Variants in DLG2 observed in about 807,000 individuals in gnomAD.
The protein encoded by DLG2 is discs large MAGUK scaffold protein 2.
Under a neutral mutation model 132.5 loss-of-function variants are expected in DLG2, and 45 were observed. That is an observed-to-expected ratio of 0.34 (90% CI 0.27 to 0.44). The LOEUF is 0.44. DLG2 is among the 20% of genes least tolerant of loss of function. The pLI is 1.00. For missense variants in DLG2, 1,045 were observed against 1,196.9 expected (o/e 0.87, Z 1.87); for synonymous variants, 424 against 419.6 (o/e 1.01, Z -0.13).
chr11:83,708,083 C>T (rs1482920087), intron 18 of DLG2, among the ~76,000 whole-genome samples: 1 of 152,130 alleles, frequency 6.6e-6, no homozygotes, highest in African/African-American at 2.4e-5. Context: ...TACGTAAAAG[C>T]TCTTATCATT....
At chr11:85,338,244 A>G (rs2082259214) in intron 3 of DLG2, among the ~76,000 whole-genome samples, 1 of 152,210 alleles carries the variant, frequency 6.6e-6, no homozygotes, top group South Asian at 2.1e-4. Flanking sequence ...TAAGACAATA[A>G]ATAGTAGCAA....
chr11:84,858,550 T>A (rs893167155), intron 6 of DLG2, among the ~76,000 whole-genome samples: 1 of 152,130 alleles, frequency 6.6e-6, no homozygotes, highest in African/African-American at 2.4e-5. Context: ...TCTCATATCT[T>A]ATTTCTACTT....
At chr11:84,500,822 C>T (rs1233938743) in intron 7 of DLG2, among the ~76,000 whole-genome samples, 2 of 152,188 alleles carry the variant, frequency 1.3e-5, no homozygotes, top group Non-Finnish European at 2.9e-5. Flanking sequence ...GATCATGTCT[C>T]ATGCTAACCA....
chr11:85,414,147 T>A (rs528361459), intron 3 of DLG2, among the ~76,000 whole-genome samples: 13 of 152,168 alleles, frequency 8.5e-5, no homozygotes, highest in South Asian at 6.2e-4. Context: ...AATATTTCAC[T>A]TTTCTTCCAG....
intron 18 of DLG2, among the ~76,000 whole-genome samples, chr11:83,741,712 A>T (rs2092527006): frequency 4.6e-5 from 7 of 152,118 alleles, no homozygotes; most frequent in Admixed American, 4.6e-4. Flanking sequence ...TCAATATTAT[A>T]AAAATGGCCA....
intron 18 of DLG2, among the ~76,000 whole-genome samples, chr11:83,689,893 CATAA>C (rs2080541609): frequency 7.0e-6 from 1 of 143,380 alleles, no homozygotes; most frequent in Non-Finnish European, 1.5e-5. Context: ...TTGATATTTA[CATAA>C]ATATATTTAT....
At chr11:84,908,915 A>G (rs947206647) in intron 6 of DLG2, among the ~76,000 whole-genome samples, 2 of 151,800 alleles carry the variant, frequency 1.3e-5, no homozygotes, top group South Asian at 4.2e-4. Context: ...ACAGCTGAAG[A>G]AACAAAGGCT....
intron 6 of DLG2, among the ~76,000 whole-genome samples, chr11:84,823,758 G>A (rs555279947): frequency 2.4e-4 from 36 of 151,490 alleles, no homozygotes; most frequent in Admixed American, 2.4e-3. Context: ...TGTTTGTTTC[G>A]TTCACTGCTT....
chr11:85,553,037 C>T (rs1438388212), intron 3 of DLG2, among the ~76,000 whole-genome samples: 1 of 151,516 alleles, frequency 6.6e-6, no homozygotes, highest in African/African-American at 2.4e-5. Flanking sequence ...ACATTGAATG[C>T]AACAGAAAAA....
intron 7 of DLG2, among the ~76,000 whole-genome samples, chr11:84,302,669 A>AT (rs1257786777): frequency 6.6e-6 from 1 of 152,178 alleles, no homozygotes; most frequent in Non-Finnish European, 1.5e-5. Context: ...AATTCATACT[A>AT]TTTTTTACCA....
At chr11:84,986,489 C>A (rs537315275) in intron 6 of DLG2, among the ~76,000 whole-genome samples, 1 of 152,188 alleles carries the variant, frequency 6.6e-6, no homozygotes, top group South Asian at 2.1e-4. Context: ...GACTACAGAC[C>A]AATATCCCTG....
At chr11:84,390,177 C>A (rs1422887144) in intron 7 of DLG2, among the ~76,000 whole-genome samples, 1 of 152,084 alleles carries the variant, frequency 6.6e-6, no homozygotes, top group African/African-American at 2.4e-5. Flanking sequence ...TCTAATTAAT[C>A]AACACTCTAA....
chr11:84,328,884 C>T (rs1449239473), intron 7 of DLG2, among the ~76,000 whole-genome samples: 1 of 152,170 alleles, frequency 6.6e-6, no homozygotes, highest in Non-Finnish European at 1.5e-5. Flanking sequence ...GGGCTTATAT[C>T]ATTTTGCTTT....
rs546802668 is a variant in DLG2, at chr11:83,496,317, A to T, written c.2194-12089T>A. ...CTAAAATTAAAGACTGACAATATTA[A>T]GTGTTAATAAGACATGGAGCCCTTG... is the stretch of plus-strand genomic sequence containing the variant. On this transcript the variant is annotated intron_variant, in intron 21 of 27. Transcript: ENST00000376104. Among the ~76,000 whole-genome samples the T allele has an allele frequency of 7.9e-5, 12 of 152,148 alleles. No homozygotes were observed. In the South Asian group the frequency reaches 2.5e-3, roughly 32 times the overall value.
chr11:84,836,740 A>T (rs1202115378), intron 6 of DLG2, among the ~76,000 whole-genome samples: 2 of 151,918 alleles, frequency 1.3e-5, no homozygotes, highest in African/African-American at 4.8e-5. Context: ...CTAACAACCT[A>T]TAATGTTATG....
Position 84,547,857 on chromosome 11 carries a change from G to A in DLG2, c.358-13126C>T, listed in dbSNP as rs549528121. Among the ~76,000 whole-genome samples, 17 of 152,242 alleles carry A rather than the reference G, an allele frequency of 1.1e-4. 1 individual carries two copies. Among genetic ancestry groups the A allele is most frequent in the Admixed American group, 8.5e-4 (13 of 15,298 alleles). On this transcript the variant is annotated intron_variant, in intron 6 of 27. Coordinates refer to ENST00000376104, the MANE Select transcript of DLG2 (RefSeq NM_001142699.3). ...ATGCTACTAAATGGAACTACCCCTG[G>A]TAGAGATGTAAGCTCCTTAGACTCC...
intron 3 of DLG2, among the ~76,000 whole-genome samples, chr11:85,424,724 G>C (rs975320629): frequency 7.9e-5 from 12 of 152,118 alleles, no homozygotes; most frequent in African/African-American, 2.7e-4. Flanking sequence ...AGACGAAGCA[G>C]ACCTGACATT....
At position 85,538,558 on chromosome 11, in the gene DLG2, C is replaced by CT. The variant is rs533119405; in HGVS notation, c.40+60098dup. Among the ~76,000 whole-genome samples, 65 of 151,928 alleles carry CT rather than the reference C, an allele frequency of 4.3e-4. 1 individual carries two copies. The highest frequency in any genetic ancestry group is 1.5e-3 in the African/African-American group (63 of 41,256). ...ATGCATCCATATGTCCATTGCAGCACTTTTCACAATAGCAAAGACATGGAA... is the reference window on the plus strand; with the variant it reads ...ATGCATCCATATGTCCATTGCAGCACTTTTTCACAATAGCAAAGACATGGAA... On this transcript the variant is annotated intron_variant, in intron 3 of 27. Coordinates refer to ENST00000376104, the MANE Select transcript of DLG2 (RefSeq NM_001142699.3).
intron 6 of DLG2, among the ~76,000 whole-genome samples, chr11:84,655,734 GTTTGTTTTTTTTTT>G (rs1267839350): frequency 1.5e-5 from 2 of 131,890 alleles, no homozygotes; most frequent in Admixed American, 7.6e-5. Context: ...GTTTTTTTTT[GTTTGTTTTTTTTTT>G]TTTTCATGGA....
Sources: gnomAD v4.1 joint callset for allele counts (sites outside exome capture counted in the v4.1 genomes callset) on GRCh38, gnomAD v4.1.1 for gene constraint, MANE v1.5 for transcripts, NCBI Gene and HGNC (gene_info 2026-07-23, HGNC 2026-07-21) for gene names.